Variants in TSHZ2 observed in about 807,000 individuals in gnomAD.
TSHZ2 encodes teashirt zinc finger homeobox 2.
In TSHZ2, 21 loss-of-function variants were observed where a neutral mutation model predicts 74.4. The observed-to-expected ratio is 0.28, with a 90% CI of 0.20 to 0.41. TSHZ2 has a LOEUF of 0.41. TSHZ2 is among the 10% of genes least tolerant of loss of function. The probability of loss-of-function intolerance (pLI) is 1.00; values close to 1 mark genes in which losing one functional copy is unlikely to be tolerated. For synonymous variants in TSHZ2, 540 were observed against 515.3 expected (o/e 1.05, Z -0.65); for missense variants, 1,244 against 1,293.5 (o/e 0.96, Z 0.59).
intron 2 of TSHZ2, among the ~76,000 whole-genome samples, chr20:53,485,458 C>A (rs1986266844): frequency 6.6e-6 from 1 of 152,138 alleles, no homozygotes; most frequent in Non-Finnish European, 1.5e-5. Context: ...CCTGTAATCC[C>A]AGCTCTTTGG....
chr20:53,313,341 T>A (rs1318123191), intron 2 of TSHZ2, among the ~76,000 whole-genome samples: 2 of 152,378 alleles, frequency 1.3e-5, no homozygotes, highest in East Asian at 3.9e-4. Flanking sequence ...CACACTTCCC[T>A]ACCTCCTTAA....
Position 53,317,688 on chromosome 20 carries a change from G to A in TSHZ2, c.*8+61117G>A, listed in dbSNP as rs564917914. Among the ~76,000 whole-genome samples, 19 of 152,274 alleles carry A rather than the reference G, an allele frequency of 1.2e-4. No homozygotes were observed. In the South Asian group the frequency reaches 3.1e-3, roughly 25 times the overall value. Reference sequence around the variant, plus strand: ...GCATGGATTTTACAAGAAGAGTGTCGGCGTGAATTGTATTACAAGGCCTGA... The same window carrying A: ...GCATGGATTTTACAAGAAGAGTGTCAGCGTGAATTGTATTACAAGGCCTGA... On this transcript the variant is annotated intron_variant, in intron 2 of 2. Transcript: ENST00000371497.
intron 1 of TSHZ2, among the ~76,000 whole-genome samples, chr20:53,019,208 C>T (rs1007827713): frequency 7.9e-5 from 12 of 151,550 alleles, no homozygotes; most frequent in African/African-American, 2.9e-4. Context: ...GTATGTTCCT[C>T]CCAGACTGTG....
At chr20:53,111,172 G>A (rs1986524988) in intron 1 of TSHZ2, among the ~76,000 whole-genome samples, 1 of 152,174 alleles carries the variant, frequency 6.6e-6, no homozygotes, top group Non-Finnish European at 1.5e-5. Context: ...GTCCAAGAGG[G>A]TCAACTGAGC....
Position 53,148,140 on chromosome 20 carries a change from T to G in TSHZ2, c.41-105359T>G, listed in dbSNP as rs769404564. 8.5e-5 allele frequency among the ~76,000 whole-genome samples: 13 copies of G among 152,338 alleles called. No homozygotes were observed. In the South Asian group the frequency reaches 1.2e-3, roughly 15 times the overall value. On this transcript the variant is annotated intron_variant, in intron 1 of 2. Transcript: ENST00000371497. ...TCTCTAAATTCCTACAGCTAATATTTTCTATATCGTACTATTTAGTGTTTA... is the reference window on the plus strand; with the variant it reads ...TCTCTAAATTCCTACAGCTAATATTGTCTATATCGTACTATTTAGTGTTTA...
chr20:52,976,272 A>G (rs6013587), intron 1 of TSHZ2, among the ~76,000 whole-genome samples: 2,528 of 152,330 alleles, frequency 0.017, 64 homozygotes, highest in African/African-American at 0.058. Flanking sequence ...TCTTTAAGGA[A>G]ACAGCTAAAT....
chr20:53,204,712 C>G (rs1989121225), intron 1 of TSHZ2, among the ~76,000 whole-genome samples: 1 of 152,082 alleles, frequency 6.6e-6, no homozygotes, highest in Admixed American at 6.6e-5. Flanking sequence ...TTATTTCATA[C>G]TCAGAATAAC....
At chr20:53,118,680 C>T (rs905730551) in intron 1 of TSHZ2, among the ~76,000 whole-genome samples, 1 of 152,116 alleles carries the variant, frequency 6.6e-6, no homozygotes, top group Non-Finnish European at 1.5e-5. Flanking sequence ...CTAGCAGCCT[C>T]TGGGGACAAT....
chr20:53,194,311 C>G (rs1054172311), intron 1 of TSHZ2, among the ~76,000 whole-genome samples: 1 of 152,216 alleles, frequency 6.6e-6, no homozygotes, highest in African/African-American at 2.4e-5. Flanking sequence ...AGCAGCCTCC[C>G]ACGAGGTAGG....
intron 1 of TSHZ2, among the ~76,000 whole-genome samples, chr20:53,163,446 AT>A (rs1360049688): frequency 3.6e-5 from 3 of 84,474 alleles, no homozygotes; most frequent in African/African-American, 1.5e-4. Flanking sequence ...ATTTTATTTT[AT>A]TTTATTTTAT....
At chr20:53,418,296 C>T (rs1375109515) in intron 2 of TSHZ2, among the ~76,000 whole-genome samples, 1 of 152,146 alleles carries the variant, frequency 6.6e-6, no homozygotes, top group African/African-American at 2.4e-5. Context: ...TCTACGTGGT[C>T]CTGGATTCTC....
chr20:53,166,275 A>G (rs1600720640), intron 1 of TSHZ2, among the ~76,000 whole-genome samples: 1 of 152,274 alleles, frequency 6.6e-6, no homozygotes, highest in East Asian at 1.9e-4. Flanking sequence ...TTCATTGAAA[A>G]CCAACTGGGT....
intron 1 of TSHZ2, among the ~76,000 whole-genome samples, chr20:52,994,379 T>A (rs1022069390): frequency 2.6e-5 from 4 of 152,074 alleles, no homozygotes; most frequent in African/African-American, 9.7e-5. Context: ...GATGGATGAA[T>A]GGATGGATAA....
At chr20:53,328,069 C>A (rs550398406) in intron 2 of TSHZ2, among the ~76,000 whole-genome samples, 14 of 152,118 alleles carry the variant, frequency 9.2e-5, no homozygotes, top group Non-Finnish European at 1.8e-4. Flanking sequence ...AAGCAGGGGG[C>A]TGGGATGTGT....
In TSHZ2 at chr20:53,323,817, A is replaced by G. The variant is rs1436295670; in HGVS notation, c.*8+67246A>G. ...GGTCTCAAACTCCTAACCTTAGGTG[A>G]TCCACCCGCCCCGGCCTCCCAAAGT... On this transcript the variant is annotated intron_variant, in intron 2 of 2. Transcript: ENST00000371497. 3.3e-5 allele frequency among the ~76,000 whole-genome samples: 5 copies of G among 152,078 alleles called. No homozygotes were observed. In the East Asian group the frequency reaches 7.7e-4, roughly 24 times the overall value.
At chr20:53,148,983 C>T (rs184388246) in intron 1 of TSHZ2, among the ~76,000 whole-genome samples, 2 of 152,254 alleles carry the variant, frequency 1.3e-5, no homozygotes, top group South Asian at 2.1e-4. Flanking sequence ...ATCCAGAGCA[C>T]TGCAAAGAAA....
intron 2 of TSHZ2, among the ~76,000 whole-genome samples, chr20:53,333,277 A>C (rs1337556577): frequency 6.6e-6 from 1 of 152,196 alleles, no homozygotes; most frequent in Non-Finnish European, 1.5e-5. Context: ...AGTAGGGACA[A>C]GTTGGTTAGA....
At chr20:53,392,922 C>T (rs1474526694) in intron 2 of TSHZ2, among the ~76,000 whole-genome samples, 2 of 152,164 alleles carry the variant, frequency 1.3e-5, no homozygotes, top group Admixed American at 1.3e-4. Context: ...CAACCTCCAC[C>T]TCCCGATTTC....
chr20:53,040,003 G>A (rs1983978095), intron 1 of TSHZ2, among the ~76,000 whole-genome samples: 1 of 152,090 alleles, frequency 6.6e-6, no homozygotes, highest in Admixed American at 6.6e-5. Context: ...CCACTCGGGA[G>A]GTTGAGGCAG....
Sources: gnomAD v4.1 joint callset for allele counts (sites outside exome capture counted in the v4.1 genomes callset) on GRCh38, gnomAD v4.1.1 for gene constraint, MANE v1.5 for transcripts, NCBI Gene and HGNC (gene_info 2026-07-23, HGNC 2026-07-21) for gene names.